Variants in ZC3H11A observed in about 807,000 individuals in gnomAD.
ZC3H11A encodes zinc finger CCCH-type containing 11A, also known as zinc finger CCCH domain-containing protein 11A.
ZC3H11A carries 22 observed loss-of-function variants against 90.8 expected under a neutral mutation model. That is an observed-to-expected ratio of 0.24 (90% CI 0.17 to 0.35). ZC3H11A has a LOEUF of 0.35. Among genes scored for constraint, ZC3H11A ranks in the 10% least tolerant of loss-of-function variants. The probability of loss-of-function intolerance (pLI) is 1.00; values close to 1 mark genes in which losing one functional copy is unlikely to be tolerated. For missense variants in ZC3H11A, 701 were observed against 964.9 expected (o/e 0.73, Z 3.62); for synonymous variants, 294 against 339.8 (o/e 0.87, Z 1.48).
intron 4 of ZC3H11A, among the ~76,000 whole-genome samples, chr1:203,826,130 C>CTAATGTAGACATAATGTA (rs1680434841): frequency 3.3e-5 from 5 of 152,110 alleles, no homozygotes; most frequent in Non-Finnish European, 7.4e-5. Context: ...ATTGTTATTC[C>CTAATGTAGACATAATGTA]TGTCTAAAAA....
chr1:203,796,620 T>G (rs1278994815), intron 1 of ZC3H11A: 1 of 396,018 alleles, frequency 2.5e-6, no homozygotes, highest in Non-Finnish European at 4.4e-6. Context: ...ATGTAGGTAT[T>G]GGGGGAAGGG....
intron 1 of ZC3H11A, chr1:203,796,231 C>G (rs940651736): frequency 1.5e-5 from 6 of 393,178 alleles, no homozygotes; most frequent in Non-Finnish European, 2.7e-5. Context: ...CGGACCCTCA[C>G]TGCCTAAATC....
intron 10 of ZC3H11A, among the ~76,000 whole-genome samples, chr1:203,836,727 G>A (rs574033882): frequency 6.6e-6 from 1 of 152,334 alleles, no homozygotes; most frequent in South Asian, 2.1e-4. Context: ...AGTGAGCTGA[G>A]ATCTTCCCAC....
At position 203,818,695 on chromosome 1, in the gene ZC3H11A, T is replaced by C. The variant is rs1355865399; in HGVS notation, c.174+6T>C. ...TTCGGCACATGGAGATTGATGTAAG[T>C]TTTTTATTTCCGTTATCATAATAAG... On this transcript the variant is annotated splice_donor_region_variant and intron_variant, in intron 4 of 17. Coordinates refer to ENST00000367210, the MANE Select transcript of ZC3H11A (RefSeq NM_001376342.1). 5 of 1,613,910 alleles carry C rather than the reference T, an allele frequency of 3.1e-6. No individual in the cohort carries two copies. Among genetic ancestry groups the C allele is most frequent in the Admixed American group, 1.7e-5 (1 of 59,984 alleles).
intron 2 of ZC3H11A, among the ~76,000 whole-genome samples, chr1:203,803,630 G>T (rs1671198965): frequency 6.6e-6 from 1 of 151,976 alleles, no homozygotes; most frequent in Non-Finnish European, 1.5e-5. Context: ...TTGAAACAGG[G>T]TCTTGTGCTC....
intron 4 of ZC3H11A, among the ~76,000 whole-genome samples, chr1:203,826,336 A>G (rs889070672): frequency 1.3e-5 from 2 of 151,066 alleles, no homozygotes; most frequent in Non-Finnish European, 3.0e-5. Context: ...CTTTTAGAAA[A>G]TATCAATAAT....
chr1:203,811,425 C>A (rs1177496398), intron 2 of ZC3H11A, among the ~76,000 whole-genome samples: 2 of 152,194 alleles, frequency 1.3e-5, no homozygotes, highest in African/African-American at 4.8e-5. Flanking sequence ...GCTGGTCTTT[C>A]TAAAACCGGT....
chr1:203,816,163 TTG>T (rs1377032506), intron 2 of ZC3H11A, among the ~76,000 whole-genome samples: 50 of 152,368 alleles, frequency 3.3e-4, no homozygotes, highest in African/African-American at 1.2e-3. Flanking sequence ...GTGAAAATAT[TTG>T]AAGTTTTTCA....
chr1:203,852,162 G>T lies in ZC3H11A; in HGVS notation c.2196G>T (p.Gln732His). 6.2e-7 allele frequency: 1 copy of T among 1,613,322 alleles called. No individual in the cohort carries two copies. The highest frequency in any genetic ancestry group is 8.5e-7 in the Non-Finnish European group (1 of 1,179,784). Residue 732 changes from glutamine to histidine, a missense_variant, in exon 18 of 18, where the codon CAG becomes CAT. Physicochemically the swap from Gln to His is conservative, Grantham distance 24 (BLOSUM62 0). This residue lies in a region of ZC3H11A where 91 missense variants were observed against 86.8 expected (regional missense o/e 1.05). Coordinates refer to ENST00000367210, the MANE Select transcript of ZC3H11A (RefSeq NM_001376342.1). ...ACAGTCTTGTGCTGCCTCCAACCCA[G>T]TCCTCTTCAGATTCCTCACCCCCGG... The part of the protein sequence containing the change: ...PRDSLVLPPT[Q>H]SSSDSSPPEV...
Position 203,852,433 on chromosome 1 carries a change from G to A in ZC3H11A, c.*34G>A, listed in dbSNP as rs746243663. On this transcript the variant is annotated 3_prime_UTR_variant, in exon 18 of 18. Transcript: ENST00000367210. ...GTGAGGACACTTTAAAAAAAAAATC[G>A]CCAAAAAACTGGACTTAGTTTCATC... The A allele has an allele frequency of 6.6e-5, 105 of 1,602,270 alleles. No individual in the cohort carries two copies. The highest frequency in any genetic ancestry group is 8.5e-5 in the Non-Finnish European group (100 of 1,175,706).
At chr1:203,821,235 C>T (rs1161421084) in intron 4 of ZC3H11A, among the ~76,000 whole-genome samples, 3 of 152,232 alleles carry the variant, frequency 2.0e-5, no homozygotes, top group Admixed American at 6.5e-5. Context: ...TTGTGTCTTG[C>T]GTCCTGTTCA....
At chr1:203,832,890 C>T (rs1682854233) in intron 9 of ZC3H11A, among the ~76,000 whole-genome samples, 1 of 152,078 alleles carries the variant, frequency 6.6e-6, no homozygotes, top group Admixed American at 6.6e-5. Flanking sequence ...GCTTTATAAC[C>T]AATTGGTTAA....
At chr1:203,813,062 TATATC>T in intron 2 of ZC3H11A, among the ~76,000 whole-genome samples, 1 of 152,330 alleles carries the variant, frequency 6.6e-6, no homozygotes, top group Non-Finnish European at 1.5e-5. Context: ...ATATATTTTG[TATATC>T]AGACCTTATC....
intron 4 of ZC3H11A, among the ~76,000 whole-genome samples, chr1:203,826,385 A>C (rs1680544190): frequency 6.7e-6 from 1 of 149,674 alleles, no homozygotes; most frequent in African/African-American, 2.5e-5. Context: ...ATAATAATTA[A>C]TTCTTTTTAA....
chr1:203,826,312 T>A (rs1421597189), intron 4 of ZC3H11A, among the ~76,000 whole-genome samples: 1 of 151,582 alleles, frequency 6.6e-6, no homozygotes, highest in African/African-American at 2.4e-5. Context: ...CCTATACTTT[T>A]AAAAAATATT....
intron 2 of ZC3H11A, chr1:203,806,086 G>A (rs527975620): frequency 9.1e-5 from 46 of 504,586 alleles, no homozygotes; most frequent in Non-Finnish European, 1.5e-4. Context: ...GGCTTTCTGC[G>A]TAATCATATT....
At chr1:203,800,629 AT>A (rs1670277609) in intron 1 of ZC3H11A, 1 of 598,324 alleles carries the variant, frequency 1.7e-6, no homozygotes, top group African/African-American at 1.9e-5. Context: ...TAAAATGAAG[AT>A]TAAAGATTTC....
chr1:203,815,209 T>TTCTTG (rs1675865447), intron 2 of ZC3H11A, among the ~76,000 whole-genome samples: 1 of 59,770 alleles, frequency 1.7e-5, no homozygotes, highest in Non-Finnish European at 3.2e-5. Context: ...TTTCTTCCTT[T>TTCTTG]TCTTTTCTTT....
chr1:203,831,580 G>GTTT, intron 8 of ZC3H11A, 81 bp from the exon 9 acceptor site: 4 of 1,182,888 alleles, frequency 3.4e-6, no homozygotes, highest in Non-Finnish European at 4.9e-6. Flanking sequence ...GGACTTAACT[G>GTTT]GTTACAAAAA....
Sources: allele counts gnomAD v4.1 joint callset (sites outside exome capture counted in the v4.1 genomes callset), GRCh38; gene constraint gnomAD v4.1.1; regional missense constraint gnomAD v4.1.1; transcripts MANE v1.5; gene names NCBI Gene and HGNC (gene_info 2026-07-23, HGNC 2026-07-21).